Variants in LRFN5 observed in about 807,000 individuals in gnomAD.
LRFN5 encodes the protein leucine rich repeat and fibronectin type III domain containing 5, also known as leucine-rich repeat and fibronectin type-III domain-containing protein 5.
In LRFN5, 24 loss-of-function variants were observed where a neutral mutation model predicts 45.6. The ratio of observed to expected loss-of-function variants is 0.53; its 90% confidence interval spans 0.38 to 0.74. LRFN5 has a LOEUF of 0.74. Among genes scored for constraint, LRFN5 ranks in the 30% least tolerant of loss-of-function variants. LRFN5 has a pLI of 0.00. For missense variants in LRFN5, 776 were observed against 861.5 expected (o/e 0.90, Z 1.24); for synonymous variants, 340 against 313.8 (o/e 1.08, Z -0.88).
rs914212982 is a variant in LRFN5, at chr14:41,671,617, GTTTTTT to G, written c.-197+63070_-197+63075del. 3.1e-4 allele frequency among the ~76,000 whole-genome samples: 24 copies of G among 78,020 alleles called. 1 individual carries two copies. The highest frequency in any genetic ancestry group is 5.5e-4 in the Non-Finnish European group (24 of 43,610). The allele number at this position is 78,020 out of a possible 152,430, so 51.2% of individuals were successfully genotyped here. On this transcript the variant is annotated intron_variant, in intron 1 of 5. Coordinates refer to ENST00000298119, the MANE Select transcript of LRFN5 (RefSeq NM_152447.5). ...TGTGGAGGAGAGATTTTTTTTTTTC[GTTTTTT>G]TTTTTTTTTTTTTTACGGAGTTTCC...
At chr14:41,761,049 CTT>C (rs1885642217) in intron 1 of LRFN5, among the ~76,000 whole-genome samples, 1 of 152,090 alleles carries the variant, frequency 6.6e-6, no homozygotes, top group African/African-American at 2.4e-5. Context: ...GTCAAACAAA[CTT>C]GAAATAGATA....
intron 1 of LRFN5, among the ~76,000 whole-genome samples, chr14:41,742,478 A>T (rs1884742947): frequency 6.6e-6 from 1 of 152,220 alleles, no homozygotes; most frequent in Admixed American, 6.5e-5. Context: ...ACTTATATGT[A>T]ATATCTAAAA....
intron 1 of LRFN5, among the ~76,000 whole-genome samples, chr14:41,765,369 A>C (rs948428776): frequency 6.6e-5 from 10 of 152,020 alleles, no homozygotes; most frequent in South Asian, 2.1e-4. Flanking sequence ...AAAAAAAAAA[A>C]AAAACAGGGC....
At chr14:41,657,247 T>G (rs1423826566) in intron 1 of LRFN5, among the ~76,000 whole-genome samples, 1 of 152,010 alleles carries the variant, frequency 6.6e-6, no homozygotes, top group Non-Finnish European at 1.5e-5. Flanking sequence ...TATGTTTATT[T>G]ATAAATGTTT....
intron 2 of LRFN5, among the ~76,000 whole-genome samples, chr14:41,808,198 G>GGAAGGAAGGAAA (rs1887588370): frequency 1.8e-4 from 2 of 11,070 alleles, no homozygotes; most frequent in Admixed American, 1.9e-3. Flanking sequence ...GGAAGTAGAG[G>GGAAGGAAGGAAA]GAAGGAAGGA....
intron 2 of LRFN5, among the ~76,000 whole-genome samples, chr14:41,796,605 T>G (rs1431579677): frequency 6.6e-6 from 1 of 151,970 alleles, no homozygotes; most frequent in Non-Finnish European, 1.5e-5. Flanking sequence ...ATAATTTTTG[T>G]TTGCATCTTA....
chr14:41,689,676 C>T (rs8013083), intron 1 of LRFN5, among the ~76,000 whole-genome samples: 7,232 of 151,466 alleles, frequency 0.048, 471 homozygotes, highest in East Asian at 0.27. Flanking sequence ...GGGCGGATCA[C>T]GAGGTCAGGA....
At chr14:41,655,561 T>A (rs1412650848) in intron 1 of LRFN5, among the ~76,000 whole-genome samples, 1 of 151,922 alleles carries the variant, frequency 6.6e-6, no homozygotes, top group Non-Finnish European at 1.5e-5. Flanking sequence ...TGGGAAACCA[T>A]TAGAAAGTTT....
intron 2 of LRFN5, among the ~76,000 whole-genome samples, chr14:41,786,411 C>G (rs1886722280): frequency 6.6e-6 from 1 of 151,706 alleles, no homozygotes; most frequent in African/African-American, 2.4e-5. Context: ...TCTTTCAGTA[C>G]TTTAAAGATG....
intron 1 of LRFN5, among the ~76,000 whole-genome samples, chr14:41,760,608 A>G (rs937594187): frequency 3.3e-5 from 5 of 152,202 alleles, no homozygotes; most frequent in Admixed American, 3.3e-4. Flanking sequence ...GTATGTTTAT[A>G]AAATGTGCAG....
intron 2 of LRFN5, among the ~76,000 whole-genome samples, chr14:41,837,609 T>C (rs761664327): frequency 1.3e-5 from 2 of 152,150 alleles, no homozygotes; most frequent in Non-Finnish European, 2.9e-5. Flanking sequence ...TAGGGAATGA[T>C]ATTTGCTGTA....
intron 1 of LRFN5, among the ~76,000 whole-genome samples, chr14:41,697,462 T>TA (rs1882661602): frequency 6.6e-6 from 1 of 151,894 alleles, no homozygotes; most frequent in African/African-American, 2.4e-5. Context: ...TATGCCATCA[T>TA]AATCATGGAT....
intron 2 of LRFN5, among the ~76,000 whole-genome samples, chr14:41,839,368 A>G (rs896428383): frequency 7.2e-5 from 11 of 152,122 alleles, no homozygotes; most frequent in Non-Finnish European, 1.5e-5. Flanking sequence ...ATGGTTTCAA[A>G]CATTGTTGGT....
At chr14:41,650,868 C>G (rs1246560559) in intron 1 of LRFN5, among the ~76,000 whole-genome samples, 1 of 106,710 alleles carries the variant, frequency 9.4e-6, no homozygotes, top group Non-Finnish European at 1.7e-5. Context: ...TCTCATTAAG[C>G]AACAAAGAGA....
intron 2 of LRFN5, among the ~76,000 whole-genome samples, chr14:41,816,581 A>T (rs1351969934): frequency 6.6e-6 from 1 of 151,952 alleles, no homozygotes; most frequent in Non-Finnish European, 1.5e-5. Context: ...TTCTCTGTCA[A>T]CACTATACAT....
At chr14:41,673,070 T>C (rs895371113) in intron 1 of LRFN5, among the ~76,000 whole-genome samples, 1 of 152,170 alleles carries the variant, frequency 6.6e-6, no homozygotes. Flanking sequence ...GGCAGAAGAA[T>C]TTTTCTTAGT....
chr14:41,809,933 T>G (rs2138989064), intron 2 of LRFN5, among the ~76,000 whole-genome samples: 1 of 152,134 alleles, frequency 6.6e-6, no homozygotes, highest in Non-Finnish European at 1.5e-5. Context: ...ATCTGTTTAT[T>G]TAGCATCTAA....
At chr14:41,664,324 G>A (rs2138644368) in intron 1 of LRFN5, among the ~76,000 whole-genome samples, 1 of 151,572 alleles carries the variant, frequency 6.6e-6, no homozygotes, top group Non-Finnish European at 1.5e-5. Flanking sequence ...GATGACACAG[G>A]ATATTGCTTA....
chr14:41,889,098 CTATATATATATG>C (rs1255443021), intron 3 of LRFN5, among the ~76,000 whole-genome samples: 1 of 97,444 alleles, frequency 1.0e-5, no homozygotes, highest in African/African-American at 4.0e-5. Flanking sequence ...ATATATATGT[CTATATATATATG>C]TCTCTATATA....
Sources: gnomAD v4.1 joint callset for allele counts (sites outside exome capture counted in the v4.1 genomes callset) on GRCh38, gnomAD v4.1.1 for gene constraint, MANE v1.5 for transcripts, NCBI Gene and HGNC (gene_info 2026-07-23, HGNC 2026-07-21) for gene names.